ITLN1: variants seen among roughly 807,000 people sequenced by gnomAD.
ITLN1 encodes intelectin-1.
Under a neutral mutation model 36.2 loss-of-function variants are expected in ITLN1, and 29 were observed. That is an observed-to-expected ratio of 0.80 (90% CI 0.60 to 1.09). The LOEUF is 1.09. Among genes scored for constraint, ITLN1 ranks in the 50% least tolerant of loss-of-function variants. The pLI, the probability that ITLN1 is intolerant of heterozygous loss-of-function variation, is 0.00. For missense variants in ITLN1, 358 were observed against 405.2 expected (o/e 0.88, Z 1.00); for synonymous variants, 143 against 146.5 (o/e 0.98, Z 0.17).
chr1:160,878,026 A>G (rs1201534635), intron 7 of ITLN1, among the ~76,000 whole-genome samples: 1 of 152,126 alleles, frequency 6.6e-6, no homozygotes, highest in African/African-American at 2.4e-5. Flanking sequence ...AAATTAGCCC[A>G]GTGTGGTGGC....
chr1:160,878,385 CT>C (rs36015074), intron 7 of ITLN1, among the ~76,000 whole-genome samples: 1,555 of 140,318 alleles, frequency 0.011, 11 homozygotes, highest in South Asian at 0.018. Flanking sequence ...CTTTTTCTTT[CT>C]TTTTTTTTTT....
At chr1:160,877,040 C>A (rs1377741947) in intron 7 of ITLN1, among the ~76,000 whole-genome samples, 1 of 152,184 alleles carries the variant, frequency 6.6e-6, no homozygotes, top group Non-Finnish European at 1.5e-5. Flanking sequence ...GGGTTCGAGA[C>A]CAGCCTGGCC....
At chr1:160,882,281 T>C in intron 3 of ITLN1, 77 bp from the exon 4 acceptor site, 1 of 1,510,342 alleles carries the variant, frequency 6.6e-7, no homozygotes, top group Non-Finnish European at 8.9e-7. Context: ...AGAAAGGCCC[T>C]AGGAACCAGA....
At chr1:160,879,978 G>C (rs985732747) in intron 6 of ITLN1, among the ~76,000 whole-genome samples, 3 of 152,114 alleles carry the variant, frequency 2.0e-5, no homozygotes, top group African/African-American at 7.2e-5. Context: ...CTCCTGCAGG[G>C]CTGAGAGTGG....
At chr1:160,880,466 G>A in intron 6 of ITLN1, 122 bp downstream of exon 6, 1 of 934,760 alleles carries the variant, frequency 1.1e-6, no homozygotes, top group Non-Finnish European at 1.6e-6. Flanking sequence ...CAAATCAAGT[G>A]GGGCAATATA....
At chr1:160,878,155 C>G (rs1314321154) in intron 7 of ITLN1, among the ~76,000 whole-genome samples, 1 of 151,556 alleles carries the variant, frequency 6.6e-6, no homozygotes, top group Non-Finnish European at 1.5e-5. Context: ...GCAACAAGAG[C>G]AAAACTCTGT....
chr1:160,878,575 C>A, intron 7 of ITLN1, among the ~76,000 whole-genome samples: 1 of 151,898 alleles, frequency 6.6e-6, no homozygotes, highest in East Asian at 1.9e-4. Context: ...TTTGTAAAGA[C>A]AAGTTTTGCC....
intron 2 of ITLN1, among the ~76,000 whole-genome samples, chr1:160,883,953 C>G (rs1452027534): frequency 6.6e-6 from 1 of 152,132 alleles, no homozygotes; most frequent in East Asian, 1.9e-4. Flanking sequence ...TCTGAGGTAA[C>G]AGTGGAGAAT....
At chr1:160,882,234 T>C in intron 3 of ITLN1, 30 bp from the exon 4 acceptor site, 1 of 1,537,292 alleles carries the variant, frequency 6.5e-7, no homozygotes, top group Non-Finnish European at 8.8e-7. Context: ...AGAGCCTCCC[T>C]GTCTGAGAGC....
intron 6 of ITLN1, among the ~76,000 whole-genome samples, chr1:160,880,031 C>T (rs1386800415): frequency 1.3e-5 from 2 of 152,064 alleles, no homozygotes; most frequent in Admixed American, 1.3e-4. Flanking sequence ...CCTGGCCGGG[C>T]GTGGTGGCTC....
At chr1:160,877,774 T>C (rs976000372) in intron 7 of ITLN1, among the ~76,000 whole-genome samples, 2 of 152,196 alleles carry the variant, frequency 1.3e-5, no homozygotes, top group Admixed American at 1.3e-4. Flanking sequence ...GGGAGGTGAT[T>C]GGATCATGGG....
intron 4 of ITLN1, among the ~76,000 whole-genome samples, 182 bp downstream of exon 4, chr1:160,881,775 C>T (rs1480948921): frequency 6.7e-6 from 1 of 148,536 alleles, no homozygotes; most frequent in Non-Finnish European, 1.5e-5. Flanking sequence ...GCACTCCAAC[C>T]TGGGCAACAG....
At chr1:160,884,707 A>T in intron 2 of ITLN1, 113 bp downstream of exon 2, 1 of 724,828 alleles carries the variant, frequency 1.4e-6, no homozygotes, top group Non-Finnish European at 2.4e-6. Flanking sequence ...CACTCAGTCT[A>T]CATGCAAGCC....
rs1296915984 is a variant in ITLN1 at position 160,884,885 on chromosome 1, T to C, written c.-6-2A>G. 6.2e-7 allele frequency: 1 copy of C among 1,609,294 alleles called. No individual in the cohort carries two copies. The highest frequency in any genetic ancestry group is 8.5e-7 in the Non-Finnish European group (1 of 1,175,872). Reference sequence around the variant, plus strand: ...GAAGCTGAGTTGGTTCATTGTAATCTAAAGAAAGCAAGATGAAGGTCACCA... The same window carrying C: ...GAAGCTGAGTTGGTTCATTGTAATCCAAAGAAAGCAAGATGAAGGTCACCA... On this transcript the variant is annotated splice_acceptor_variant, in intron 1 of 7. Transcript: ENST00000326245. LOFTEE classifies it low-confidence loss of function (5UTR_SPLICE).
At chr1:160,880,808 T>C in intron 5 of ITLN1, 100 bp from the exon 6 acceptor site, 1 of 1,345,912 alleles carries the variant, frequency 7.4e-7, no homozygotes, top group Non-Finnish European at 1.0e-6. Context: ...AACAATGCTT[T>C]CTCAGTAACT....
intron 2 of ITLN1, 66 bp downstream of exon 2, chr1:160,884,753 TG>T: frequency 9.0e-7 from 1 of 1,106,644 alleles, no homozygotes; most frequent in South Asian, 1.3e-5. Context: ...CTCTGTGTCC[TG>T]GGAGAGACCA....
At chr1:160,882,509 C>T (rs1253986199) in intron 3 of ITLN1, among the ~76,000 whole-genome samples, 1 of 152,324 alleles carries the variant, frequency 6.6e-6, no homozygotes, top group Middle Eastern at 3.4e-3. Flanking sequence ...AAAACAGGGC[C>T]TCAAGCTGAT....
intron 3 of ITLN1, 184 bp from the exon 4 acceptor site, chr1:160,882,388 G>A (rs1299094082): frequency 5.3e-6 from 3 of 566,380 alleles, no homozygotes; most frequent in East Asian, 6.3e-5. Context: ...TCCTGTAACT[G>A]AGGCAGAACA....
intron 7 of ITLN1, 92 bp downstream of exon 7, chr1:160,879,219 G>A: frequency 1.1e-6 from 1 of 914,346 alleles, no homozygotes; most frequent in Non-Finnish European, 1.8e-6. Flanking sequence ...ACACACCCCA[G>A]TCATACCACA....
Sources: gnomAD v4.1 joint callset for allele counts (sites outside exome capture counted in the v4.1 genomes callset) on GRCh38, gnomAD v4.1.1 for gene constraint, MANE v1.5 for transcripts, NCBI Gene and HGNC (gene_info 2026-07-23, HGNC 2026-07-21) for gene names.